The following DPYD variants were observed in gnomAD, a reference collection of about 807,000 sequenced individuals.
DPYD encodes the protein dihydropyrimidine dehydrogenase [NADP(+)].
A neutral mutation model predicts 116.2 loss-of-function variants in DPYD; 109 were observed. That is an observed-to-expected ratio of 0.94 (90% CI 0.80 to 1.10). The LOEUF is 1.10. Among genes scored for constraint, DPYD ranks in the 50% least tolerant of loss-of-function variants. The probability of loss-of-function intolerance (pLI) is 0.00; values close to 1 mark genes in which losing one functional copy is unlikely to be tolerated. For synonymous variants in DPYD, 440 were observed against 432.0 expected (o/e 1.02, Z -0.23); for missense variants, 1,302 against 1,254.5 (o/e 1.04, Z -0.57).
chr1:97,433,792 A>C (rs1675311628), intron 14 of DPYD, among the ~76,000 whole-genome samples: 1 of 152,208 alleles, frequency 6.6e-6, no homozygotes, highest in African/African-American at 2.4e-5. Flanking sequence ...AATAGTATGT[A>C]TGAAAATATA....
intron 1 of DPYD, among the ~76,000 whole-genome samples, chr1:97,897,886 G>A (rs942052068): frequency 6.6e-6 from 1 of 151,822 alleles, no homozygotes; most frequent in Non-Finnish European, 1.5e-5. Context: ...TTCATGCCTA[G>A]TTATTTTTAA....
intron 20 of DPYD, among the ~76,000 whole-genome samples, chr1:97,103,436 C>G (rs1650899784): frequency 6.6e-6 from 1 of 152,014 alleles, no homozygotes; most frequent in East Asian, 1.9e-4. Context: ...AAGACAGAGA[C>G]AGAAAGTCCA....
At chr1:97,288,965 G>A (rs1406756129) in intron 18 of DPYD, among the ~76,000 whole-genome samples, 4 of 152,122 alleles carry the variant, frequency 2.6e-5, no homozygotes, top group African/African-American at 4.8e-5. Flanking sequence ...AGAAAAGAGA[G>A]AAGAATCAAA....
chr1:97,534,622 T>C (rs577234911), intron 12 of DPYD, among the ~76,000 whole-genome samples: 1 of 152,252 alleles, frequency 6.6e-6, no homozygotes, highest in Non-Finnish European at 1.5e-5. Context: ...TAACAATTTT[T>C]ACAACATTTT....
intron 16 of DPYD, among the ~76,000 whole-genome samples, chr1:97,341,811 C>T (rs56339143): frequency 0.016 from 2,464 of 152,246 alleles, 21 homozygotes; most frequent in Non-Finnish European, 0.024. Flanking sequence ...TAGAGAAAGC[C>T]TAACTGTTTC....
In DPYD at chr1:97,178,026, C is replaced by T. The variant is rs567963454; in HGVS notation, c.2622+15043G>A. Among the ~76,000 whole-genome samples, 3 of 152,182 alleles carry T rather than the reference C, an allele frequency of 2.0e-5. No homozygotes were observed. The South Asian group carries it at 6.2e-4, about 32-fold the overall frequency. On this transcript the variant is annotated intron_variant, in intron 20 of 22. Transcript: ENST00000370192. ...ATTTTATTGCCTTCCAAAGGCCCCA[C>T]CTCCTAATAGCATCACCTTGGCAGT...
At chr1:97,740,602 CAA>C (rs1208670333) in intron 3 of DPYD, 123 bp from the exon 4 acceptor site, 2 of 856,774 alleles carry the variant, frequency 2.3e-6, no homozygotes, top group Non-Finnish European at 3.7e-6. Context: ...TTTTTAGGTA[CAA>C]AACATTTTTA....
intron 5 of DPYD, among the ~76,000 whole-genome samples, chr1:97,709,978 T>A (rs1662194578): frequency 6.6e-6 from 1 of 151,794 alleles, no homozygotes; most frequent in Admixed American, 6.6e-5. Flanking sequence ...TCTCTACTAG[T>A]TGAAGGATGA....
intron 20 of DPYD, among the ~76,000 whole-genome samples, chr1:97,125,373 C>A (rs1652761687): frequency 6.6e-6 from 1 of 152,056 alleles, no homozygotes; most frequent in African/African-American, 2.4e-5. Context: ...TGTTCTGATG[C>A]ATTTTTTCTC....
chr1:97,407,481 C>T (rs1490011538), intron 14 of DPYD, among the ~76,000 whole-genome samples: 1 of 152,114 alleles, frequency 6.6e-6, no homozygotes, highest in Non-Finnish European at 1.5e-5. Context: ...ATGGCAAACT[C>T]CTAGAGGACA....
intron 2 of DPYD, chr1:97,855,999 T>C (rs1468502702): frequency 1.3e-5 from 2 of 152,148 alleles, no homozygotes; most frequent in Non-Finnish European, 2.9e-5. Context: ...AACTTGGATA[T>C]AAAAATGCAA....
At chr1:97,522,717 C>CA (rs34950626) in intron 12 of DPYD, among the ~76,000 whole-genome samples, 1,575 of 138,036 alleles carry the variant, frequency 0.011, 22 homozygotes, top group African/African-American at 0.034. Context: ...GACTCTGTCT[C>CA]AAAAAAAAAA....
At chr1:97,424,236 C>T (rs552571058) in intron 14 of DPYD, among the ~76,000 whole-genome samples, 2 of 152,206 alleles carry the variant, frequency 1.3e-5, no homozygotes, top group African/African-American at 2.4e-5. Context: ...AAACCCATTA[C>T]ACCTATAGTA....
intron 12 of DPYD, among the ~76,000 whole-genome samples, chr1:97,529,667 T>C (rs1445142957): frequency 1.3e-5 from 2 of 149,420 alleles, no homozygotes; most frequent in Non-Finnish European, 3.0e-5. Flanking sequence ...CTTTTTTTCT[T>C]TTCTCTTTCT....
intron 14 of DPYD, among the ~76,000 whole-genome samples, chr1:97,401,306 GTTTT>G (rs776919090): frequency 4.0e-5 from 6 of 151,308 alleles, no homozygotes; most frequent in African/African-American, 1.2e-4. Context: ...CTGAGCGGAA[GTTTT>G]TTTTTGTTTG....
At chr1:97,516,026 G>T in intron 12 of DPYD, 85 bp from the exon 13 acceptor site, 1 of 1,271,018 alleles carries the variant, frequency 7.9e-7, no homozygotes, top group Non-Finnish European at 1.1e-6. Flanking sequence ...CTTCAACACA[G>T]CATCCGAATT....
chr1:97,191,511 C>T (rs993149303), intron 20 of DPYD, among the ~76,000 whole-genome samples: 9 of 152,092 alleles, frequency 5.9e-5, no homozygotes, highest in South Asian at 2.1e-4. Flanking sequence ...CTGAGCTTAA[C>T]AAAATAAAGT....
At chr1:97,351,596 G>C (rs1670147645) in intron 16 of DPYD, among the ~76,000 whole-genome samples, 1 of 151,946 alleles carries the variant, frequency 6.6e-6, no homozygotes, top group African/African-American at 2.4e-5. Flanking sequence ...GTCCGTGGTA[G>C]AAGACAGTAC....
intron 14 of DPYD, among the ~76,000 whole-genome samples, chr1:97,410,130 T>G (rs2101663692): frequency 6.6e-6 from 1 of 151,996 alleles, no homozygotes; most frequent in African/African-American, 2.4e-5. Context: ...CTCCCAGCTC[T>G]ATTTTATTTT....
Sources: allele counts gnomAD v4.1 joint callset (sites outside exome capture counted in the v4.1 genomes callset), GRCh38; gene constraint gnomAD v4.1.1; transcripts MANE v1.5; gene names NCBI Gene and HGNC (gene_info 2026-07-23, HGNC 2026-07-21).